The following HDX variants were observed in gnomAD, a reference collection of about 807,000 sequenced individuals.
HDX encodes chromosome X open reading frame 43.
HDX carries 19 observed loss-of-function variants against 45.2 expected under a neutral mutation model. That is an observed-to-expected ratio of 0.42 (90% CI 0.29 to 0.62). HDX has a LOEUF of 0.62. HDX is among the 20% of genes least tolerant of loss of function. The pLI is 0.20. For missense variants in HDX, 532 were observed against 493.9 expected, an observed-to-expected ratio of 1.08 and a Z score of -0.73; for synonymous variants, 188 against 172.8, an observed-to-expected ratio of 1.09 and a Z score of -0.69.
intron 4 of HDX, 129 bp downstream of exon 4, chrX:84,468,343 C>A (rs1402216486): frequency 9.7e-6 from 4 of 412,003 alleles, no homozygotes; most frequent in Non-Finnish European, 1.6e-5. Context: ...AAGGAGTTAA[C>A]CCCAAACCAC....
intron 2 of HDX, among the ~76,000 whole-genome samples, chrX:84,486,823 T>C (rs1398409501): frequency 9.0e-6 from 1 of 111,391 alleles, no homozygotes. Flanking sequence ...CATAATTTTC[T>C]TTGATTTTAT....
chrX:84,339,708 GGGCGCCCTATGTGGT>G (rs1440685869), intron 7 of HDX, among the ~76,000 whole-genome samples: 4 of 110,958 alleles, frequency 3.6e-5, no homozygotes, highest in Admixed American at 9.6e-5. Flanking sequence ...AAACTCTAGA[GGGCGCCCTATGTGGT>G]GGCTGTATGT....
At chrX:84,355,706 T>C (rs1478463201) in intron 6 of HDX, among the ~76,000 whole-genome samples, 2 of 108,040 alleles carry the variant, frequency 1.9e-5, no homozygotes. Flanking sequence ...CCAGGGCCTG[T>C]CGTGGGGTGG....
chrX:84,358,479 C>A (rs965783726), intron 6 of HDX, among the ~76,000 whole-genome samples: 2 of 111,266 alleles, frequency 1.8e-5, no homozygotes, highest in Non-Finnish European at 3.8e-5. Context: ...CATTTTTTTT[C>A]TTGTGTCATC....
At chrX:84,439,446 GT>G (rs2039713629) in intron 5 of HDX, among the ~76,000 whole-genome samples, 1 of 110,467 alleles carries the variant, frequency 9.1e-6, no homozygotes, top group East Asian at 2.9e-4. Flanking sequence ...TGTTGTGATT[GT>G]TTTTGGTGAG....
intron 5 of HDX, among the ~76,000 whole-genome samples, chrX:84,408,552 T>A (rs2038898072): frequency 1.0e-5 from 1 of 99,750 alleles, no homozygotes; most frequent in Non-Finnish European, 2.0e-5. Context: ...ATTCAGCCTC[T>A]ATTTTGGTTC....
chrX:84,408,159 G>A lies in HDX; in HGVS notation c.1305+32373C>T, dbSNP rs146232542. On this transcript the variant is annotated intron_variant, in intron 5 of 10. Coordinates refer to ENST00000373177, the MANE Select transcript of HDX (RefSeq NM_001177479.2). ...TGACACTTCATAGGATATCTTCCAG[G>A]GTTTTTATAGTTTTAGGTTTTAAAT... is the stretch of plus-strand genomic sequence containing the variant. Among the ~76,000 whole-genome samples, 164 of 110,858 alleles carry A rather than the reference G, an allele frequency of 1.5e-3. 1 individual carries two copies. Among genetic ancestry groups the A allele is most frequent in the African/African-American group, 4.5e-3 (139 of 30,566 alleles).
intron 6 of HDX, among the ~76,000 whole-genome samples, chrX:84,350,091 C>A (rs535400794): frequency 5.2e-4 from 58 of 111,174 alleles, no homozygotes; most frequent in African/African-American, 1.8e-3. Context: ...CCCTCTTTGA[C>A]CCACGGATTA....
intron 5 of HDX, among the ~76,000 whole-genome samples, chrX:84,383,826 T>C (rs73237173): frequency 0.021 from 2,352 of 111,753 alleles, 26 homozygotes; most frequent in Middle Eastern, 0.061. Flanking sequence ...TCTACATTAA[T>C]TAACTTAAGA....
intron 9 of HDX, among the ~76,000 whole-genome samples, chrX:84,330,358 A>C (rs2036819459): frequency 8.9e-6 from 1 of 111,925 alleles, no homozygotes; most frequent in Admixed American, 9.6e-5. Flanking sequence ...AGTATATTAA[A>C]ATTAATTGGT....
intron 2 of HDX, among the ~76,000 whole-genome samples, chrX:84,485,680 T>C (rs1215463200): frequency 8.9e-6 from 1 of 112,313 alleles, no homozygotes; most frequent in Non-Finnish European, 1.9e-5. Context: ...TCACTGGTGT[T>C]AGCCACCAGG....
intron 1 of HDX, among the ~76,000 whole-genome samples, chrX:84,488,835 G>A (rs1337257925): frequency 1.8e-5 from 2 of 111,390 alleles, no homozygotes; most frequent in African/African-American, 3.3e-5. Flanking sequence ...TTAATAAATG[G>A]TGTTCTAATA....
chrX:84,412,941 G>A (rs1040998306), intron 5 of HDX, among the ~76,000 whole-genome samples: 7 of 112,008 alleles, frequency 6.2e-5, no homozygotes, highest in Non-Finnish European at 1.3e-4. Flanking sequence ...CTATTCTGCC[G>A]TTAATACTTG....
At chrX:84,358,008 C>G (rs2037528205) in intron 6 of HDX, among the ~76,000 whole-genome samples, 1 of 111,690 alleles carries the variant, frequency 9.0e-6, no homozygotes, top group South Asian at 3.7e-4. Context: ...ATCACAGGGA[C>G]AGCGGAATGG....
intron 5 of HDX, among the ~76,000 whole-genome samples, chrX:84,380,099 A>G (rs766794762): frequency 5.4e-5 from 6 of 111,157 alleles, no homozygotes; most frequent in African/African-American, 1.9e-4. Flanking sequence ...ACTATATGCC[A>G]ATAAATTGAA....
intron 1 of HDX, among the ~76,000 whole-genome samples, chrX:84,488,996 C>A (rs1337098886): frequency 9.0e-6 from 1 of 110,891 alleles, no homozygotes; most frequent in Non-Finnish European, 1.9e-5. Flanking sequence ...CTTAATTTGC[C>A]GGGTTTTGTT....
At chrX:84,462,502 G>A (rs2040261284) in intron 4 of HDX, among the ~76,000 whole-genome samples, 1 of 111,241 alleles carries the variant, frequency 9.0e-6, no homozygotes, top group Admixed American at 9.6e-5. Context: ...AGAGGAAAGA[G>A]ATGATTACCA....
At chrX:84,439,314 T>C (rs1191766735) in intron 5 of HDX, among the ~76,000 whole-genome samples, 1 of 111,686 alleles carries the variant, frequency 9.0e-6, no homozygotes. Flanking sequence ...CTTTGTCAGA[T>C]GCATATTTTA....
At chrX:84,333,170 A>G (rs2036880539) in intron 9 of HDX, among the ~76,000 whole-genome samples, 2 of 111,238 alleles carry the variant, frequency 1.8e-5, no homozygotes, top group African/African-American at 6.5e-5. Flanking sequence ...TATGCAGAAA[A>G]CATATTGACA....
Sources: gnomAD v4.1 joint callset for allele counts (sites outside exome capture counted in the v4.1 genomes callset) on GRCh38, gnomAD v4.1.1 for gene constraint, MANE v1.5 for transcripts, NCBI Gene and HGNC (gene_info 2026-07-23, HGNC 2026-07-21) for gene names.